The following SYT6 variants were observed in gnomAD, a reference collection of about 807,000 sequenced individuals.
SYT6 encodes synaptotagmin-6.
SYT6 carries 24 observed loss-of-function variants against 38.4 expected under a neutral mutation model. The observed-to-expected ratio is 0.62, with a 90% CI of 0.45 to 0.88. The LOEUF (loss-of-function observed/expected upper bound fraction) is 0.88, where lower values mean the gene tolerates loss of function less well. SYT6 is among the 40% of genes least tolerant of loss of function. The pLI, the probability that SYT6 is intolerant of heterozygous loss-of-function variation, is 0.00. For synonymous variants in SYT6, 265 were observed against 241.9 expected (o/e 1.10, Z -0.89); for missense variants, 611 against 621.0 (o/e 0.98, Z 0.17).
chr1:114,126,809 C>T (rs968167767), intron 3 of SYT6, among the ~76,000 whole-genome samples: 4 of 152,238 alleles, frequency 2.6e-5, no homozygotes, highest in South Asian at 2.1e-4. Context: ...AAGCAGGCTG[C>T]GAGCAGAGGG....
chr1:114,143,478 A>G lies in SYT6; in HGVS notation c.164-3515T>C, dbSNP rs566933370. ...AAGTTATATATATCTATATATACAT[A>G]CATACATATGTATATATGTATAAGT... is the stretch of plus-strand genomic sequence containing the variant. On this transcript the variant is annotated intron_variant, in intron 1 of 7. Coordinates refer to ENST00000610222, the MANE Select transcript of SYT6 (RefSeq NM_001253772.2). Among the ~76,000 whole-genome samples the G allele has an allele frequency of 1.4e-4, 21 of 147,830 alleles. No homozygotes were observed. In the East Asian group the frequency reaches 3.7e-3, roughly 26 times the overall value.
At chr1:114,123,138 C>A (rs1450492272) in intron 3 of SYT6, among the ~76,000 whole-genome samples, 6 of 152,196 alleles carry the variant, frequency 3.9e-5, no homozygotes, top group African/African-American at 1.4e-4. Context: ...TCTCACAGGG[C>A]CCTGCAGGAG....
chr1:114,106,277 G>A (rs1034310109), intron 3 of SYT6, among the ~76,000 whole-genome samples: 6 of 151,938 alleles, frequency 3.9e-5, no homozygotes, highest in African/African-American at 1.5e-4. Flanking sequence ...CACATGGACT[G>A]TGTGCCAGGC....
intron 3 of SYT6, among the ~76,000 whole-genome samples, chr1:114,129,613 T>TTTCTTTCTTTCC (rs1677999670): frequency 1.5e-5 from 1 of 67,942 alleles, no homozygotes; most frequent in African/African-American, 4.4e-5. Flanking sequence ...TCTTTCTTTC[T>TTTCTTTCTTTCC]TTCCTTTCTT....
At chr1:114,118,480 G>C (rs986903848) in intron 3 of SYT6, among the ~76,000 whole-genome samples, 2 of 152,236 alleles carry the variant, frequency 1.3e-5, no homozygotes, top group Non-Finnish European at 2.9e-5. Flanking sequence ...GAAGTTTGCA[G>C]ATCCTCCCTT....
rs116341860 is a variant in SYT6 at position 114,147,451 on chromosome 1, T to C, written c.163+6159A>G. On this transcript the variant is annotated intron_variant, in intron 1 of 7. Coordinates refer to ENST00000610222, the MANE Select transcript of SYT6 (RefSeq NM_001253772.2). ...CAGGCATCAGAGGAGCTCTAGTATT[T>C]CATGGGCACCTGATTTGGTAAACCA... Among the ~76,000 whole-genome samples the C allele has an allele frequency of 9.1e-3, 1,389 of 152,378 alleles. 16 individuals carry two copies. The highest frequency in any genetic ancestry group is 0.031 in the African/African-American group (1,305 of 41,594).
intron 3 of SYT6, among the ~76,000 whole-genome samples, chr1:114,107,520 G>C (rs1676400747): frequency 6.6e-6 from 1 of 152,248 alleles, no homozygotes; most frequent in African/African-American, 2.4e-5. Context: ...CTGGCTCCAG[G>C]CTTCGCACGG....
chr1:114,121,429 C>T (rs999972659), intron 3 of SYT6, among the ~76,000 whole-genome samples: 2 of 152,176 alleles, frequency 1.3e-5, no homozygotes, highest in African/African-American at 2.4e-5. Flanking sequence ...TGCATCAACC[C>T]CTCACAGCCT....
chr1:114,100,715 G>A (rs1186377864), intron 4 of SYT6, among the ~76,000 whole-genome samples: 1 of 152,244 alleles, frequency 6.6e-6, no homozygotes, highest in Non-Finnish European at 1.5e-5. Flanking sequence ...GAACCGGCAT[G>A]AGGCTCTGGT....
intron 1 of SYT6, among the ~76,000 whole-genome samples, chr1:114,149,149 G>A (rs1679303852): frequency 7.5e-6 from 1 of 133,344 alleles, no homozygotes; most frequent in African/African-American, 3.1e-5. Context: ...CAGCCACCAG[G>A]CAAGTAACCA....
In SYT6 at chr1:114,099,137, T is replaced by C. The variant is rs756784538; in HGVS notation, c.1321A>G (p.Met441Val). Residue 441 changes from methionine (M) to valine (V), a missense_variant, in exon 5 of 8, where the codon ATG becomes GTG. Coordinates refer to ENST00000610222, the MANE Select transcript of SYT6 (RefSeq NM_001253772.2). ...AIIFDIPPEN[M>V]DQVSLLISVM... ...GAGATGAGCAGGCTGACTTGATCCA[T>C]GTTTTCCGGGGGAATGTCAAAGATG... is the stretch of plus-strand genomic sequence containing the variant. 16 of 1,614,110 alleles carry C rather than the reference T, an allele frequency of 9.9e-6. No individual in the cohort carries two copies. Among genetic ancestry groups the C allele is most frequent in the Non-Finnish European group, 1.3e-5 (15 of 1,179,976 alleles).
At chr1:114,112,719 T>G (rs1432777870) in intron 3 of SYT6, among the ~76,000 whole-genome samples, 1 of 152,248 alleles carries the variant, frequency 6.6e-6, no homozygotes, top group Admixed American at 6.5e-5. Flanking sequence ...CACTGTCATC[T>G]TCATTAACCA....
At chr1:114,099,360 C>A in intron 4 of SYT6, 95 bp from the exon 5 acceptor site, 1 of 1,305,882 alleles carries the variant, frequency 7.7e-7, no homozygotes, top group Admixed American at 2.3e-5. Context: ...CCTAGACCTA[C>A]TGCTGCTCAT....
At chr1:114,143,827 CT>C (rs1262226520) in intron 1 of SYT6, among the ~76,000 whole-genome samples, 5 of 151,884 alleles carry the variant, frequency 3.3e-5, no homozygotes, top group African/African-American at 1.2e-4. Context: ...CAGCCCACCC[CT>C]GACCCCAGGG....
At chr1:114,126,632 T>C (rs1677763137) in intron 3 of SYT6, among the ~76,000 whole-genome samples, 1 of 152,250 alleles carries the variant, frequency 6.6e-6, no homozygotes. Flanking sequence ...TACATCTGTG[T>C]TGGAGAAATC....
chr1:114,150,094 G>C (rs1000585315), intron 1 of SYT6, among the ~76,000 whole-genome samples: 7 of 152,138 alleles, frequency 4.6e-5, no homozygotes, highest in African/African-American at 1.7e-4. Context: ...AAGAAACCTG[G>C]TTTGATCCAG....
chr1:114,118,237 A>G (rs921464063), intron 3 of SYT6, among the ~76,000 whole-genome samples: 17 of 152,202 alleles, frequency 1.1e-4, no homozygotes, highest in African/African-American at 4.1e-4. Context: ...TAAAGCGCCA[A>G]ATTAGCTCCA....
intron 5 of SYT6, among the ~76,000 whole-genome samples, chr1:114,098,771 A>G (rs535016390): frequency 6.6e-6 from 1 of 152,240 alleles, no homozygotes; most frequent in Admixed American, 6.5e-5. Flanking sequence ...AATAGAGAGG[A>G]TAGAGGGGCA....
intron 3 of SYT6, among the ~76,000 whole-genome samples, chr1:114,125,091 C>T (rs1370468749): frequency 2.6e-5 from 4 of 152,206 alleles, no homozygotes; most frequent in Non-Finnish European, 1.5e-5. Context: ...CCTCTGTTCC[C>T]TCCCACCTCA....
Sources: gnomAD v4.1 joint callset for allele counts (sites outside exome capture counted in the v4.1 genomes callset) on GRCh38, gnomAD v4.1.1 for gene constraint, MANE v1.5 for transcripts, NCBI Gene and HGNC (gene_info 2026-07-23, HGNC 2026-07-21) for gene names.